ITGB6: variants seen among roughly 807,000 people sequenced by gnomAD.
The protein encoded by ITGB6 is integrin subunit beta 6.
A neutral mutation model predicts 84.5 loss-of-function variants in ITGB6; 80 were observed. The ratio of observed to expected loss-of-function variants is 0.95; its 90% CI spans 0.79 to 1.14. The LOEUF is 1.14. Ranked by LOEUF, ITGB6 falls within the 50% of genes most tolerant of loss-of-function variation. The probability of loss-of-function intolerance (pLI) is 0.00; values close to 1 mark genes in which losing one functional copy is unlikely to be tolerated. For synonymous variants in ITGB6, 383 were observed against 354.9 expected (o/e 1.08, Z -0.89); for missense variants, 1,006 against 968.0 (o/e 1.04, Z -0.52).
intron 10 of ITGB6, among the ~76,000 whole-genome samples, chr2:160,135,242 G>A (rs1683656687): frequency 1.3e-5 from 2 of 152,138 alleles, no homozygotes; most frequent in East Asian, 1.9e-4. Flanking sequence ...AAAATCACAA[G>A]CATTCTTATA....
At chr2:160,134,292 C>G (rs1174405372) in intron 10 of ITGB6, among the ~76,000 whole-genome samples, 1 of 152,190 alleles carries the variant, frequency 6.6e-6, no homozygotes, top group Non-Finnish European at 1.5e-5. Flanking sequence ...TGCAAATAAA[C>G]TAGAAAATCT....
intron 7 of ITGB6, among the ~76,000 whole-genome samples, chr2:160,146,640 G>A (rs1048723824): frequency 6.6e-6 from 1 of 151,844 alleles, no homozygotes; most frequent in Non-Finnish European, 1.5e-5. Flanking sequence ...TATCTCTTTA[G>A]CCAGCGGCTA....
In ITGB6 at chr2:160,141,986, TA is replaced by T; in HGVS notation, c.1102del (p.Tyr368MetfsTer13). 1 of 1,587,370 alleles carries T rather than the reference TA, an allele frequency of 6.3e-7. No homozygotes were observed. The highest frequency in any genetic ancestry group is 1.1e-5 in the South Asian group (1 of 88,708). On this transcript the variant is annotated frameshift_variant, in exon 8 of 15. Coordinates refer to ENST00000283249, the MANE Select transcript of ITGB6 (RefSeq NM_000888.5). LOFTEE classifies it high-confidence loss of function. ...GNILQLIISA[Y>X]EELRSEVELE... Reference sequence around the variant, plus strand: ...GCCAGCTGTAAAATATCCTACTTCATAAGCTGAGATGATCAGCTGGAGAATG... The same window carrying T: ...GCCAGCTGTAAAATATCCTACTTCATAGCTGAGATGATCAGCTGGAGAATG...
intron 7 of ITGB6, among the ~76,000 whole-genome samples, chr2:160,142,311 T>C (rs888080535): frequency 2.0e-5 from 3 of 152,182 alleles, no homozygotes; most frequent in African/African-American, 7.2e-5. Context: ...GTGGTTGCCA[T>C]GGTCTAAGGC....
intron 12 of ITGB6, among the ~76,000 whole-genome samples, chr2:160,115,079 G>T (rs1252130435): frequency 1.3e-5 from 2 of 152,214 alleles, no homozygotes; most frequent in African/African-American, 4.8e-5. Flanking sequence ...GCAGGGCACA[G>T]ACAAACAAAA....
At chr2:160,106,086 C>G (rs1696897286) in intron 14 of ITGB6, among the ~76,000 whole-genome samples, 1 of 152,158 alleles carries the variant, frequency 6.6e-6, no homozygotes, top group African/African-American at 2.4e-5. Flanking sequence ...CTTTCATTTC[C>G]TTTCACTCCT....
At chr2:160,190,304 T>A (rs994692645) in intron 4 of ITGB6, among the ~76,000 whole-genome samples, 1 of 151,898 alleles carries the variant, frequency 6.6e-6, no homozygotes, top group African/African-American at 2.4e-5. Context: ...TGTATATATA[T>A]GTAACAAACC....
chr2:160,118,506 G>A (rs966095277), intron 12 of ITGB6, among the ~76,000 whole-genome samples: 2 of 151,930 alleles, frequency 1.3e-5, no homozygotes, highest in Non-Finnish European at 2.9e-5. Context: ...GTATTGATGG[G>A]ACGTATCTCA....
intron 10 of ITGB6, among the ~76,000 whole-genome samples, chr2:160,135,386 G>T: frequency 6.7e-6 from 1 of 150,208 alleles, no homozygotes; most frequent in East Asian, 1.9e-4. Flanking sequence ...ACAAACCACT[G>T]CTCAATGAAA....
intron 8 of ITGB6, among the ~76,000 whole-genome samples, chr2:160,140,246 T>C (rs1031461648): frequency 1.3e-5 from 2 of 152,226 alleles, no homozygotes; most frequent in Non-Finnish European, 2.9e-5. Context: ...CAGTGCAAGA[T>C]TGTTTCATTT....
At chr2:160,166,439 T>C (rs1025704811) in intron 7 of ITGB6, among the ~76,000 whole-genome samples, 1 of 152,220 alleles carries the variant, frequency 6.6e-6, no homozygotes, top group African/African-American at 2.4e-5. Flanking sequence ...ATAATATGAT[T>C]CGACAATGTC....
In ITGB6 at chr2:160,171,135, T is replaced by A. The variant is rs560861776; in HGVS notation, c.921+1434A>T. On this transcript the variant is annotated intron_variant, in intron 6 of 14. Coordinates refer to ENST00000283249, the MANE Select transcript of ITGB6 (RefSeq NM_000888.5). ...GTAGTGAGTAATGAACTGTTAAGAG[T>A]TTTTAGAGAATAGTTTTCCAATTGA... Among the ~76,000 whole-genome samples the A allele has an allele frequency of 4.6e-5, 7 of 151,558 alleles. No homozygotes were observed. The South Asian group carries it at 1.5e-3, about 32-fold the overall frequency.
intron 14 of ITGB6, among the ~76,000 whole-genome samples, chr2:160,102,497 G>C (rs1046462627): frequency 1.3e-5 from 2 of 152,206 alleles, no homozygotes; most frequent in African/African-American, 4.8e-5. Flanking sequence ...AACCACAAGA[G>C]ACTGGTATGG....
chr2:160,158,101 T>C lies in ITGB6; in HGVS notation c.1017+11111A>G, dbSNP rs977956140. On this transcript the variant is annotated intron_variant, in intron 7 of 14. Coordinates refer to ENST00000283249, the MANE Select transcript of ITGB6 (RefSeq NM_000888.5). ...CTGGCACAAGGGTAGCATGAATGTC[T>C]GTCTCTGGGTTGCATGATATCTGCT... is the stretch of plus-strand genomic sequence containing the variant. Among the ~76,000 whole-genome samples the C allele has an allele frequency of 4.7e-5, 7 of 150,168 alleles. No individual in the cohort carries two copies. The East Asian group carries it at 1.5e-3, about 31-fold the overall frequency.
chr2:160,199,515 G>T (rs1250544559), intron 1 of ITGB6, among the ~76,000 whole-genome samples: 1 of 152,136 alleles, frequency 6.6e-6, no homozygotes, highest in Non-Finnish European at 1.5e-5. Flanking sequence ...CTTAAAATGT[G>T]AAAGTTCACA....
At chr2:160,185,939 C>T (rs1331762344) in intron 4 of ITGB6, among the ~76,000 whole-genome samples, 1 of 152,062 alleles carries the variant, frequency 6.6e-6, no homozygotes, top group African/African-American at 2.4e-5. Flanking sequence ...CTGAACTGGA[C>T]CCCTTCCTTA....
chr2:160,128,418 T>C (rs898537156), intron 10 of ITGB6, among the ~76,000 whole-genome samples: 2 of 151,890 alleles, frequency 1.3e-5, no homozygotes, highest in Non-Finnish European at 2.9e-5. Flanking sequence ...TAACAAAAAG[T>C]CAGAAATCAG....
At chr2:160,181,564 C>T (rs1194719134) in intron 4 of ITGB6, among the ~76,000 whole-genome samples, 1 of 152,220 alleles carries the variant, frequency 6.6e-6, no homozygotes, top group Non-Finnish European at 1.5e-5. Flanking sequence ...GGCACAGCTT[C>T]AGCAGACTTA....
intron 4 of ITGB6, among the ~76,000 whole-genome samples, chr2:160,192,778 T>G (rs1686190575): frequency 6.6e-6 from 1 of 151,924 alleles, no homozygotes; most frequent in Non-Finnish European, 1.5e-5. Context: ...TAAAGTACTC[T>G]TACCACACAA....
Sources: gnomAD v4.1 joint callset for allele counts (sites outside exome capture counted in the v4.1 genomes callset) on GRCh38, gnomAD v4.1.1 for gene constraint, MANE v1.5 for transcripts, NCBI Gene and HGNC (gene_info 2026-07-23, HGNC 2026-07-21) for gene names.